The following LRRC37A2 variants were observed in gnomAD, a reference collection of about 807,000 sequenced individuals.
The protein encoded by LRRC37A2 is leucine-rich repeat-containing protein 37A2.
In LRRC37A2, 9 loss-of-function variants were observed where a neutral mutation model predicts 68.8. The ratio of observed to expected loss-of-function variants is 0.13; its 90% CI spans 0.08 to 0.23. The LOEUF is 0.23. LRRC37A2 is among the 10% of genes least tolerant of loss of function. LRRC37A2 has a pLI of 1.00. For synonymous variants in LRRC37A2, 63 were observed against 367.6 expected (o/e 0.17, Z 9.48); for missense variants, 168 against 950.4 (o/e 0.18, Z 10.82).
chr17:47,004,124 T>G, the LRRC37A2 span, among the ~76,000 whole-genome samples: 5 of 152,360 alleles, frequency 3.3e-5, no homozygotes, highest in Non-Finnish European at 5.9e-5. Context: ...CTATCATTGA[T>G]AGGCATTTGG....
chr17:46,929,236 A>T, the LRRC37A2 span, among the ~76,000 whole-genome samples: 1 of 152,170 alleles, frequency 6.6e-6, no homozygotes, highest in East Asian at 1.9e-4. Flanking sequence ...AGTTTTTATA[A>T]AATGAGGATG....
the LRRC37A2 span, among the ~76,000 whole-genome samples, chr17:46,822,317 A>C: frequency 5.3e-5 from 8 of 152,208 alleles, no homozygotes; most frequent in African/African-American, 1.4e-4. Flanking sequence ...TGGGCGCAGG[A>C]GTAAATCGGA....
chr17:46,621,205 T>C, the LRRC37A2 span, among the ~76,000 whole-genome samples: 4 of 149,860 alleles, frequency 2.7e-5, no homozygotes, highest in Non-Finnish European at 4.4e-5. Flanking sequence ...TACCTTGTTC[T>C]GACTTAATTG....
At chr17:46,805,742 T>C in the LRRC37A2 span, among the ~76,000 whole-genome samples, 1 of 152,138 alleles carries the variant, frequency 6.6e-6, no homozygotes, top group African/African-American at 2.4e-5. Context: ...CAGAGCAAGA[T>C]CCTGTCTCAA....
the LRRC37A2 span, among the ~76,000 whole-genome samples, chr17:46,906,295 A>G: frequency 1.3e-5 from 2 of 152,142 alleles, no homozygotes; most frequent in African/African-American, 4.8e-5. Flanking sequence ...AAATAGACAT[A>G]AGGTCGGAAA....
At chr17:46,926,360 A>G in the LRRC37A2 span, among the ~76,000 whole-genome samples, 1 of 152,108 alleles carries the variant, frequency 6.6e-6, no homozygotes, top group South Asian at 2.1e-4. Flanking sequence ...TGCAAAGTGG[A>G]TGTTATGGGG....
chr17:47,036,217 T>C, the LRRC37A2 span, among the ~76,000 whole-genome samples: 1 of 152,230 alleles, frequency 6.6e-6, no homozygotes, highest in Admixed American at 6.5e-5. Context: ...TGGTGTCATG[T>C]GTGTGTATAA....
chr17:46,733,527 CAG>C, the LRRC37A2 span, among the ~76,000 whole-genome samples: 1 of 152,198 alleles, frequency 6.6e-6, no homozygotes, highest in Non-Finnish European at 1.5e-5. Context: ...CTGTATGTAA[CAG>C]GGTAGCCTCG....
At chr17:46,534,116 C>T (rs2054172888) in intron 6 of LRRC37A2, among the ~76,000 whole-genome samples, 1 of 144,772 alleles carries the variant, frequency 6.9e-6, no homozygotes. Flanking sequence ...CAGGCTTAAG[C>T]AATGCTGTCA....
the LRRC37A2 span, among the ~76,000 whole-genome samples, chr17:46,897,929 A>G: frequency 6.6e-6 from 1 of 152,166 alleles, no homozygotes; most frequent in Non-Finnish European, 1.5e-5. Context: ...TGGGTCCTGC[A>G]CACCCAGGAC....
At chr17:46,962,493 A>AT in the LRRC37A2 span, among the ~76,000 whole-genome samples, 1 of 152,200 alleles carries the variant, frequency 6.6e-6, no homozygotes, top group Admixed American at 6.5e-5. Flanking sequence ...AAGAGAAAGT[A>AT]TGCTGATTCT....
the LRRC37A2 span, among the ~76,000 whole-genome samples, chr17:46,731,370 G>T: frequency 1.3e-5 from 2 of 152,122 alleles, no homozygotes; most frequent in Admixed American, 1.3e-4. Context: ...CTGCTAATGG[G>T]TATGGGGTTT....
At chr17:46,841,290 G>C in the LRRC37A2 span, among the ~76,000 whole-genome samples, 1 of 152,182 alleles carries the variant, frequency 6.6e-6, no homozygotes, top group African/African-American at 2.4e-5. Flanking sequence ...ACTTGCCCAC[G>C]GTCACCCAGC....
the LRRC37A2 span, among the ~76,000 whole-genome samples, chr17:46,708,822 A>ATTT: frequency 7.3e-5 from 8 of 108,850 alleles, no homozygotes; most frequent in Admixed American, 1.2e-4. Flanking sequence ...ATATATATAT[A>ATTT]TTTTTTTTTT....
At chr17:46,721,934 C>T in the LRRC37A2 span, 10 of 1,598,016 alleles carry the variant, frequency 6.3e-6, no homozygotes, top group African/African-American at 2.7e-5. Flanking sequence ...GCGTACTAGC[C>T]GGACTTGGAT....
chr17:46,869,801 C>G, the LRRC37A2 span, among the ~76,000 whole-genome samples: 1 of 151,984 alleles, frequency 6.6e-6, no homozygotes, highest in Non-Finnish European at 1.5e-5. Flanking sequence ...GAGTTCGAAA[C>G]CAGCCTGGCT....
chr17:46,847,973 T>TGTGG, the LRRC37A2 span, among the ~76,000 whole-genome samples: 1 of 111,814 alleles, frequency 8.9e-6, no homozygotes, highest in East Asian at 3.5e-4. Flanking sequence ...CCAAAGTGTG[T>TGTGG]GTGTGTGTGT....
the LRRC37A2 span, among the ~76,000 whole-genome samples, chr17:46,901,612 A>T: frequency 6.6e-6 from 1 of 152,194 alleles, no homozygotes; most frequent in Non-Finnish European, 1.5e-5. Flanking sequence ...TATTCAGTGT[A>T]GTAGGTGGCA....
the LRRC37A2 span, among the ~76,000 whole-genome samples, chr17:47,047,797 G>A: frequency 3.0e-4 from 46 of 150,906 alleles, no homozygotes; most frequent in African/African-American, 1.1e-3. Context: ...AGAATGGAGG[G>A]CTTTTCCATT....
Sources: gnomAD v4.1 joint callset for allele counts (sites outside exome capture counted in the v4.1 genomes callset) on GRCh38, gnomAD v4.1.1 for gene constraint, MANE v1.5 for transcripts, NCBI Gene and HGNC (gene_info 2026-07-23, HGNC 2026-07-21) for gene names.